CDH13: variants seen among roughly 807,000 people sequenced by gnomAD.
The protein encoded by CDH13 is cadherin-13.
A neutral mutation model predicts 63.8 loss-of-function variants in CDH13; 24 were observed. The ratio of observed to expected loss-of-function variants is 0.38; its 90% CI spans 0.27 to 0.53. The LOEUF is 0.53. Ranked by LOEUF, CDH13 falls within the 20% of genes least tolerant of loss-of-function variation. The pLI, the probability that CDH13 is intolerant of heterozygous loss-of-function variation, is 0.85. For missense variants in CDH13, 1,049 were observed against 903.1 expected, an observed-to-expected ratio of 1.16 and a Z score of -2.07; for synonymous variants, 503 against 355.3, an observed-to-expected ratio of 1.42 and a Z score of -4.67.
At chr16:83,495,981 T>G (rs1567711896) in intron 7 of CDH13, among the ~76,000 whole-genome samples, 1 of 151,314 alleles carries the variant, frequency 6.6e-6, no homozygotes, top group Non-Finnish European at 1.5e-5. Context: ...CAAGGAGAAC[T>G]ACAAACCACT....
At chr16:83,669,637 A>AGTCCC (rs1914326013) in intron 8 of CDH13, among the ~76,000 whole-genome samples, 1 of 152,204 alleles carries the variant, frequency 6.6e-6, no homozygotes, top group Admixed American at 6.5e-5. Context: ...AATTAGTTGC[A>AGTCCC]GTCCCCGCCC....
intron 3 of CDH13, among the ~76,000 whole-genome samples, chr16:83,104,426 G>A (rs914807780): frequency 6.6e-6 from 1 of 152,204 alleles, no homozygotes; most frequent in African/African-American, 2.4e-5. Flanking sequence ...AGAGCAGAGA[G>A]AAGAGAGAGG....
intron 5 of CDH13, among the ~76,000 whole-genome samples, chr16:83,296,197 C>T (rs1210643246): frequency 6.6e-6 from 1 of 152,186 alleles, no homozygotes; most frequent in Non-Finnish European, 1.5e-5. Context: ...TTTTCCCACT[C>T]TTCTTTGTGC....
intron 2 of CDH13, among the ~76,000 whole-genome samples, chr16:82,998,862 C>CT (rs200853526): frequency 0.013 from 1,667 of 128,496 alleles, 26 homozygotes; most frequent in African/African-American, 0.026. Flanking sequence ...CCCCTTGATC[C>CT]TTTTTTTTTT....
intron 5 of CDH13, among the ~76,000 whole-genome samples, chr16:83,297,134 T>C (rs1156659046): frequency 6.6e-6 from 1 of 152,134 alleles, no homozygotes; most frequent in African/African-American, 2.4e-5. Flanking sequence ...TACAGTCACA[T>C]AGGAGGAATA....
chr16:83,612,148 TG>T (rs1162673261), intron 8 of CDH13, among the ~76,000 whole-genome samples: 1 of 152,076 alleles, frequency 6.6e-6, no homozygotes, highest in Admixed American at 6.5e-5. Flanking sequence ...TTTCTCCTGT[TG>T]GTACTATTAA....
chr16:83,037,370 G>T lies in CDH13; in HGVS notation c.366+5152G>T, dbSNP rs541483972. 2.0e-3 allele frequency among the ~76,000 whole-genome samples: 306 copies of T among 152,262 alleles called. 1 individual carries two copies. The highest frequency in any genetic ancestry group is 0.017 in the Middle Eastern group (5 of 294). On this transcript the variant is annotated intron_variant, in intron 3 of 13. Coordinates refer to ENST00000567109, the MANE Select transcript of CDH13 (RefSeq NM_001257.5). ...TGCCTAAATACCCATTCTCCTTCCT[G>T]CCACTTTGCTGCTAGAAGGCTGTGC... is the stretch of plus-strand genomic sequence containing the variant.
At chr16:82,815,479 G>C (rs1165867288) in intron 1 of CDH13, among the ~76,000 whole-genome samples, 1 of 152,152 alleles carries the variant, frequency 6.6e-6, no homozygotes, top group African/African-American at 2.4e-5. Flanking sequence ...CAGGTGCTCA[G>C]AACAATGCGT....
At chr16:83,643,922 G>A (rs1022848916) in intron 8 of CDH13, among the ~76,000 whole-genome samples, 1 of 152,194 alleles carries the variant, frequency 6.6e-6, no homozygotes, top group African/African-American at 2.4e-5. Flanking sequence ...CTCTAAGTGG[G>A]ATCCTCCCAG....
In CDH13 at chr16:82,679,407, G is replaced by C. The variant is rs1409008678; in HGVS notation, c.45+52270G>C. Among the ~76,000 whole-genome samples the C allele has an allele frequency of 3.9e-5, 6 of 152,160 alleles. No individual in the cohort carries two copies. In the East Asian group the frequency reaches 1.2e-3, roughly 29 times the overall value. ...TCCAACATAATCTAGTTTACCTATGGACTTTCAAAGGTTTGCAAAGATTTA... is the reference window on the plus strand; with the variant it reads ...TCCAACATAATCTAGTTTACCTATGCACTTTCAAAGGTTTGCAAAGATTTA... On this transcript the variant is annotated intron_variant, in intron 1 of 13. Transcript: ENST00000567109.
chr16:83,244,191 A>G (rs1407079161), intron 5 of CDH13, among the ~76,000 whole-genome samples: 4 of 151,896 alleles, frequency 2.6e-5, no homozygotes, highest in East Asian at 1.9e-4. Context: ...TTCTTTATTG[A>G]TAGTGTTTGT....
At chr16:83,111,611 C>G (rs1056681547) in intron 3 of CDH13, among the ~76,000 whole-genome samples, 35 of 152,164 alleles carry the variant, frequency 2.3e-4, no homozygotes, top group African/African-American at 8.2e-4. Context: ...AAGGGCTTAA[C>G]ATAAGGGAGT....
intron 3 of CDH13, among the ~76,000 whole-genome samples, chr16:83,036,971 G>A (rs1188200414): frequency 6.6e-6 from 1 of 152,118 alleles, no homozygotes; most frequent in Non-Finnish European, 1.5e-5. Flanking sequence ...CAGACAGGAT[G>A]GAGACAGCAT....
chr16:83,305,459 C>T (rs922621333), intron 5 of CDH13, among the ~76,000 whole-genome samples: 1 of 152,208 alleles, frequency 6.6e-6, no homozygotes, highest in Non-Finnish European at 1.5e-5. Context: ...CTGAGGTTTC[C>T]ATTCTAATCC....
rs562942948 is a variant in CDH13 at position 82,672,999 on chromosome 16, C to CTTTTTTTTTTTTT, written c.45+45870_45+45882dup. On this transcript the variant is annotated intron_variant, in intron 1 of 13. Transcript: ENST00000567109. ...GTATGGCTAATTTTTATAAAGTTTT[C>CTTTTTTTTTTTTT]TTTTTTTTTTTTTTTTTTTTGTAGA... 5.6e-3 allele frequency among the ~76,000 whole-genome samples: 452 copies of CTTTTTTTTTTTTT among 81,254 alleles called. 45 individuals are homozygous for CTTTTTTTTTTTTT. Among genetic ancestry groups the CTTTTTTTTTTTTT allele is most frequent in the Non-Finnish European group, 7.4e-3 (348 of 46,850 alleles). 53.3% of individuals were successfully genotyped at this position (81,254 alleles called of 152,430 possible). A position where few individuals can be genotyped will look rare whatever the true frequency, so the allele number is the denominator to read the frequency against.
chr16:83,164,841 A>ATG, intron 4 of CDH13, among the ~76,000 whole-genome samples: 1 of 151,956 alleles, frequency 6.6e-6, no homozygotes, highest in African/African-American at 2.4e-5. Context: ...GTATATATAT[A>ATG]TATGCATGCT....
chr16:83,516,045 T>C (rs2074692000), intron 7 of CDH13, among the ~76,000 whole-genome samples: 1 of 152,210 alleles, frequency 6.6e-6, no homozygotes, highest in African/African-American at 2.4e-5. Flanking sequence ...TCCTCGTGAT[T>C]TATTCAAAAA....
intron 3 of CDH13, among the ~76,000 whole-genome samples, chr16:83,067,880 C>T (rs2032138633): frequency 6.6e-6 from 1 of 152,122 alleles, no homozygotes; most frequent in South Asian, 2.1e-4. Context: ...CCCCTCTATC[C>T]TCCATTTCGC....
intron 7 of CDH13, among the ~76,000 whole-genome samples, chr16:83,584,859 C>A (rs1371060784): frequency 5.9e-5 from 9 of 152,066 alleles, no homozygotes; most frequent in Admixed American, 5.2e-4. Flanking sequence ...CGGCAGAGGG[C>A]AAAGCGGGAG....
Sources: allele counts gnomAD v4.1 joint callset (sites outside exome capture counted in the v4.1 genomes callset), GRCh38; gene constraint gnomAD v4.1.1; transcripts MANE v1.5; gene names NCBI Gene and HGNC (gene_info 2026-07-23, HGNC 2026-07-21).